Variants in PRTFDC1 observed in about 807,000 individuals in gnomAD.
The protein encoded by PRTFDC1 is phosphoribosyltransferase domain-containing protein 1.
PRTFDC1 carries 38 observed loss-of-function variants against 34.6 expected under a neutral mutation model. The ratio of observed to expected loss-of-function variants is 1.10; its 90% CI spans 0.85 to 1.44. PRTFDC1 has a LOEUF of 1.44. Among genes scored for constraint, PRTFDC1 ranks in the 40% most tolerant of loss-of-function variants. The probability of loss-of-function intolerance (pLI) is 0.00; values close to 1 mark genes in which losing one functional copy is unlikely to be tolerated. For synonymous variants in PRTFDC1, 93 were observed against 98.1 expected, an observed-to-expected ratio of 0.95 and a Z score of 0.31; for missense variants, 270 against 283.0, an observed-to-expected ratio of 0.95 and a Z score of 0.33.
chr10:24,923,692 G>A (rs1371218758), intron 3 of PRTFDC1, among the ~76,000 whole-genome samples: 1 of 152,158 alleles, frequency 6.6e-6, no homozygotes, highest in Non-Finnish European at 1.5e-5. Flanking sequence ...CAAAGACGGG[G>A]AGAAACCAGA....
At chr10:24,882,264 G>C (rs1176378178) in intron 3 of PRTFDC1, among the ~76,000 whole-genome samples, 2 of 151,214 alleles carry the variant, frequency 1.3e-5, no homozygotes, top group Admixed American at 6.6e-5. Context: ...ATCTCTTCTA[G>C]GAGATTTTCC....
intron 1 of PRTFDC1, among the ~76,000 whole-genome samples, chr10:24,948,822 T>C (rs1325561763): frequency 6.6e-6 from 1 of 152,118 alleles, no homozygotes; most frequent in African/African-American, 2.4e-5. Flanking sequence ...TCAAATCACA[T>C]CTTTATTCCC....
chr10:24,858,135 A>G (rs1283165491), intron 5 of PRTFDC1, among the ~76,000 whole-genome samples: 5 of 152,352 alleles, frequency 3.3e-5, no homozygotes, highest in African/African-American at 9.6e-5. Context: ...ACAAAGAAGT[A>G]TAAGAATCAA....
chr10:24,878,344 C>T (rs1054576371), intron 3 of PRTFDC1, among the ~76,000 whole-genome samples: 2 of 152,190 alleles, frequency 1.3e-5, no homozygotes, highest in Admixed American at 6.5e-5. Context: ...ATCCTAGATT[C>T]GCCTGACTGC....
At chr10:24,943,829 C>T (rs570055123) in intron 1 of PRTFDC1, among the ~76,000 whole-genome samples, 46 of 152,090 alleles carry the variant, frequency 3.0e-4, no homozygotes, top group Non-Finnish European at 5.0e-4. Context: ...TGGGATTACA[C>T]GCATTAGCCA....
chr10:24,902,604 G>A (rs939532463), intron 3 of PRTFDC1, among the ~76,000 whole-genome samples: 5 of 152,110 alleles, frequency 3.3e-5, no homozygotes, highest in Non-Finnish European at 5.9e-5. Flanking sequence ...ATTTTTCTAG[G>A]TGCTCCAGAG....
At chr10:24,903,987 C>T (rs530982731) in intron 3 of PRTFDC1, among the ~76,000 whole-genome samples, 1 of 152,134 alleles carries the variant, frequency 6.6e-6, no homozygotes, top group Non-Finnish European at 1.5e-5. Flanking sequence ...CTGCACCGAG[C>T]TGGAGTTCTA....
chr10:24,870,099 T>G (rs766542734), intron 4 of PRTFDC1, among the ~76,000 whole-genome samples: 13 of 152,134 alleles, frequency 8.5e-5, no homozygotes, highest in South Asian at 2.1e-4. Flanking sequence ...AAGGTATGGA[T>G]ATACAGATTA....
At chr10:24,914,259 G>A in intron 3 of PRTFDC1, among the ~76,000 whole-genome samples, 1 of 152,178 alleles carries the variant, frequency 6.6e-6, no homozygotes, top group East Asian at 1.9e-4. Context: ...AGTGAGGAAT[G>A]TGACTATTTC....
chr10:24,939,010 G>T (rs1849098901), intron 2 of PRTFDC1, among the ~76,000 whole-genome samples: 2 of 152,096 alleles, frequency 1.3e-5, no homozygotes, highest in South Asian at 4.1e-4. Flanking sequence ...AGTAAGTGAG[G>T]CTTAAAAATA....
intron 8 of PRTFDC1, 149 bp from the exon 9 acceptor site, chr10:24,850,040 T>C: frequency 1.4e-6 from 1 of 725,848 alleles, no homozygotes; most frequent in Non-Finnish European, 2.3e-6. Flanking sequence ...GGGTAAAATC[T>C]AAAGAGACCC....
chr10:24,922,630 C>A (rs913623116), intron 3 of PRTFDC1, among the ~76,000 whole-genome samples: 4 of 152,170 alleles, frequency 2.6e-5, no homozygotes, highest in Non-Finnish European at 5.9e-5. Flanking sequence ...GAGGCCTCCC[C>A]AGCCATATGG....
At chr10:24,889,016 G>C (rs1489908548) in intron 3 of PRTFDC1, among the ~76,000 whole-genome samples, 1 of 152,092 alleles carries the variant, frequency 6.6e-6, no homozygotes, top group Non-Finnish European at 1.5e-5. Context: ...CTGAATGTTT[G>C]TTACCCCCCT....
At position 24,855,356 on chromosome 10, in the gene PRTFDC1, A is replaced by T. The variant is rs377324304; in HGVS notation, c.515T>A (p.Val172Glu). Reference sequence around the variant, plus strand: ...GCCGTCACTTCTGGATGTTCTCTTCACCAACAAACTACCATTAAAAAAGAC... The same window carrying T: ...GCCGTCACTTCTGGATGTTCTCTTCTCCAACAAACTACCATTAAAAAAGAC... The part of the protein sequence containing the change: ...PNMIKVASLL[V>E]KRTSRSDGFR... Residue 172 changes from valine (V) to glutamate (E), a missense_variant, in exon 7 of 9, where the codon GTG becomes GAG. Physicochemically the swap from Val to Glu is moderately radical, Grantham distance 121. Coordinates refer to ENST00000320152, the MANE Select transcript of PRTFDC1 (RefSeq NM_020200.7). The T allele has an allele frequency of 2.5e-6, 4 of 1,614,112 alleles. 1 individual carries two copies. The South Asian group carries it at 4.4e-5, about 18-fold the overall frequency.
At chr10:24,903,730 G>A (rs1848486026) in intron 3 of PRTFDC1, among the ~76,000 whole-genome samples, 1 of 150,424 alleles carries the variant, frequency 6.6e-6, no homozygotes, top group Non-Finnish European at 1.5e-5. Context: ...TTGAGACAGG[G>A]TCTTGCTCTG....
At chr10:24,852,923 T>C (rs1458181657) in intron 7 of PRTFDC1, among the ~76,000 whole-genome samples, 1 of 151,954 alleles carries the variant, frequency 6.6e-6, no homozygotes, top group South Asian at 2.1e-4. Context: ...GGGGGTTACA[T>C]TATGGAGTCC....
intron 3 of PRTFDC1, among the ~76,000 whole-genome samples, chr10:24,883,747 A>G (rs965705495): frequency 1.3e-5 from 2 of 152,084 alleles, no homozygotes; most frequent in Non-Finnish European, 2.9e-5. Flanking sequence ...AGACTCCCCA[A>G]AGACTCCAGC....
chr10:24,904,716 G>C (rs1414206101), intron 3 of PRTFDC1, among the ~76,000 whole-genome samples: 1 of 152,162 alleles, frequency 6.6e-6, no homozygotes, highest in Non-Finnish European at 1.5e-5. Context: ...ATGGTTTAGA[G>C]AGACCACTCT....
At chr10:24,939,333 A>G (rs942816717) in intron 2 of PRTFDC1, among the ~76,000 whole-genome samples, 3 of 151,542 alleles carry the variant, frequency 2.0e-5, no homozygotes, top group Non-Finnish European at 4.4e-5. Context: ...AGAATTTCAC[A>G]GAGTGGAAGA....
Sources: gnomAD v4.1 joint callset for allele counts (sites outside exome capture counted in the v4.1 genomes callset) on GRCh38, gnomAD v4.1.1 for gene constraint, MANE v1.5 for transcripts, NCBI Gene and HGNC (gene_info 2026-07-23, HGNC 2026-07-21) for gene names.